Variants in LYSMD4 observed in about 807,000 individuals in gnomAD.
LYSMD4 encodes lysM and putative peptidoglycan-binding domain-containing protein 4.
In LYSMD4, 9 loss-of-function variants were observed where a neutral mutation model predicts 6.1. That is an observed-to-expected ratio of 1.47 (90% CI 0.88 to 2.56). The LOEUF (loss-of-function observed/expected upper bound fraction) is 2.56. Ranked by LOEUF, LYSMD4 falls within the 30% of genes most tolerant of loss-of-function variation. LYSMD4 has a pLI of 0.00. For missense variants in LYSMD4, 384 were observed against 373.5 expected, an observed-to-expected ratio of 1.03 and a Z score of -0.23; for synonymous variants, 143 against 148.5, an observed-to-expected ratio of 0.96 and a Z score of 0.27.
At chr15:99,719,323 G>A (rs2059221015), upstream of LYSMD4, among the ~76,000 whole-genome samples, 1 of 152,118 alleles carries the variant, frequency 6.6e-6, no homozygotes, top group South Asian at 2.1e-4. Flanking sequence ...CCCCATCCTA[G>A]TTGGTTTTAA....
chr15:99,723,563 G>A (rs114186364), downstream of LYSMD4, among the ~76,000 whole-genome samples: 332 of 152,266 alleles, frequency 2.2e-3, 2 homozygotes, highest in African/African-American at 7.4e-3. Context: ...CCAGAAACAC[G>A]ACGAAGCCTC....
At chr15:99,730,230 AC>A (rs1459939612) in intron 2 of LYSMD4, among the ~76,000 whole-genome samples, 1 of 152,258 alleles carries the variant, frequency 6.6e-6, no homozygotes, top group African/African-American at 2.4e-5. Flanking sequence ...AATCCAGTTT[AC>A]CTGTAATAAA....
At chr15:99,726,723 C>A (rs920418082), downstream of LYSMD4, among the ~76,000 whole-genome samples, 1 of 152,118 alleles carries the variant, frequency 6.6e-6, no homozygotes, top group African/African-American at 2.4e-5. Context: ...ACATTCAGCA[C>A]TATAGTTCAA....
downstream of LYSMD4, among the ~76,000 whole-genome samples, chr15:99,725,038 T>G (rs1288500618): frequency 2.0e-5 from 3 of 152,190 alleles, no homozygotes; most frequent in Non-Finnish European, 4.4e-5. Context: ...CCGCCTGGCC[T>G]GAGACCAGCC....
At chr15:99,724,528 G>C (rs186265709), downstream of LYSMD4, among the ~76,000 whole-genome samples, 1,092 of 152,302 alleles carry the variant, frequency 7.2e-3, 5 homozygotes, top group Middle Eastern at 0.037. Flanking sequence ...GCCTTCCAAA[G>C]TGCTGGGATT....
chr15:99,723,992 T>C (rs1041094027), downstream of LYSMD4, among the ~76,000 whole-genome samples: 27 of 151,036 alleles, frequency 1.8e-4, no homozygotes, highest in Non-Finnish European at 4.4e-5. Flanking sequence ...TCCGTTTACA[T>C]TTCCTTCACG....
rs1363869733 is a variant in LYSMD4 at position 99,728,599 on chromosome 15, T to TC, written c.*523_*524insG. The TC allele has an allele frequency of 6.0e-6, 1 of 167,090 alleles. No individual in the cohort carries two copies. Among genetic ancestry groups the TC allele is most frequent in the African/African-American group, 2.4e-5 (1 of 41,918 alleles). 10.4% of individuals were successfully genotyped at this position (167,090 alleles called of 1,614,324 possible). The stretch of plus-strand genomic sequence containing the variant: ...CTGAGGGGGCCAATATGAAGTAGGC[T>TC]TGTTACAACTGTAACTGTCACTCTC... On this transcript the variant is annotated 3_prime_UTR_variant, in exon 3 of 3. Coordinates refer to ENST00000684762, the MANE Select transcript of LYSMD4 (RefSeq NM_001284417.2).
In LYSMD4 at chr15:99,731,930, G is replaced by C; in HGVS notation, c.70C>G (p.His24Asp). ...CTGCCATTCTTAAACATGTATACGT[G>C]GCTGGTCGGAGTCCCACACACAACA... ...PAVVCGTPTS[H>D]VYMFKNGSGD... Residue 24 changes from histidine to aspartate, a missense_variant, in exon 2 of 3, where the codon CAC (histidine) becomes GAC (aspartate). By Grantham distance (81) the His-to-Asp change is moderately conservative. Transcript: ENST00000684762. 1.2e-6 allele frequency: 2 copies of C among 1,612,720 alleles called. No individual in the cohort carries two copies. The highest frequency in any genetic ancestry group is 1.7e-6 in the Non-Finnish European group (2 of 1,179,724).
downstream of LYSMD4, among the ~76,000 whole-genome samples, chr15:99,725,952 G>A (rs8028897): frequency 0.028 from 4,311 of 152,186 alleles, 232 homozygotes; most frequent in African/African-American, 0.096. Flanking sequence ...AAGTGCCTGC[G>A]TCGTAGGGAG....
At chr15:99,716,963 A>AGAT (rs1394993301) in exon 1 of LYSMD4, 37 of 301,104 alleles carry the variant, frequency 1.2e-4, no homozygotes, top group Middle Eastern at 1.2e-3. Context: ...AGCAGAAGAC[A>AGAT]GATGTGCTGG....
At position 99,731,181 on chromosome 15, in the gene LYSMD4, T is replaced by C. The variant is rs748769357; in HGVS notation, c.282+537A>G. On this transcript the variant is annotated intron_variant, in intron 2 of 2. Coordinates refer to ENST00000684762, the MANE Select transcript of LYSMD4 (RefSeq NM_001284417.2). ...AATACTTTCCTACTTACTTTGCCAT[T>C]GTTAATCACTCTGAATGCTGAAAAC... The C allele has an allele frequency of 4.3e-6, 7 of 1,612,736 alleles. No homozygotes were observed. The Admixed American group carries it at 1.2e-4, about 27-fold the overall frequency.
downstream of LYSMD4, among the ~76,000 whole-genome samples, chr15:99,723,880 GCTTCCCA>G (rs1489880929): frequency 6.2e-5 from 9 of 144,282 alleles, no homozygotes; most frequent in East Asian, 1.5e-3. Context: ...ACTTTCCGTA[GCTTCCCA>G]CTGTCCATCA....
At chr15:99,721,140 C>T (rs922365712), upstream of LYSMD4, among the ~76,000 whole-genome samples, 1 of 152,134 alleles carries the variant, frequency 6.6e-6, no homozygotes, top group African/African-American at 2.4e-5. Flanking sequence ...ATATGTGATA[C>T]AACCTGAAAA....
At chr15:99,721,407 C>T (rs2059237107), upstream of LYSMD4, among the ~76,000 whole-genome samples, 1 of 152,230 alleles carries the variant, frequency 6.6e-6, no homozygotes, top group Admixed American at 6.5e-5. Flanking sequence ...GCTATCCTTC[C>T]TTTCTAACTA....
chr15:99,720,239 T>G (rs768437042), upstream of LYSMD4, among the ~76,000 whole-genome samples: 6 of 152,240 alleles, frequency 3.9e-5, no homozygotes, highest in Non-Finnish European at 8.8e-5. Context: ...CGTACTCTTG[T>G]TCTAGTATGG....
Position 99,731,962 on chromosome 15 carries a change from C to T in LYSMD4, c.38G>A (p.Gly13Asp). Reference protein sequence around the residue: ...HEELLTKTFQGPAVVCGTPTS... With the variant: ...HEELLTKTFQDPAVVCGTPTS... Reference sequence around the variant, plus strand: ...CGGAGTCCCACACACAACAGCTGGGCCTTGGAAGGTCTTGGTTAACAATTC... The same window carrying T: ...CGGAGTCCCACACACAACAGCTGGGTCTTGGAAGGTCTTGGTTAACAATTC... Residue 13 changes from glycine (G) to aspartate (D), a missense_variant, in exon 2 of 3, where the codon GGC (glycine) becomes GAC (aspartate). Transcript: ENST00000684762. The T allele has an allele frequency of 1.9e-6, 3 of 1,603,680 alleles. No individual in the cohort carries two copies. The highest frequency in any genetic ancestry group is 2.6e-6 in the Non-Finnish European group (3 of 1,174,740).
upstream of LYSMD4, among the ~76,000 whole-genome samples, chr15:99,718,048 TTAAC>T (rs1333024855): frequency 6.6e-6 from 1 of 152,274 alleles, no homozygotes; most frequent in Non-Finnish European, 1.5e-5. Context: ...CACAGCATTT[TTAAC>T]TAAATACCTT....
chr15:99,731,550 C>T, intron 2 of LYSMD4, 168 bp downstream of exon 2: 1 of 1,536,368 alleles, frequency 6.5e-7, no homozygotes, highest in Non-Finnish European at 8.7e-7. Context: ...TAAAGGTACT[C>T]CCACCTGCAT....
At chr15:99,723,046 T>A (rs1162242456), downstream of LYSMD4, among the ~76,000 whole-genome samples, 5 of 150,626 alleles carry the variant, frequency 3.3e-5, no homozygotes, top group African/African-American at 7.3e-5. Flanking sequence ...GTTTTTTTTT[T>A]AAAAAAAGGA....
Sources: allele counts gnomAD v4.1 joint callset (sites outside exome capture counted in the v4.1 genomes callset), GRCh38; gene constraint gnomAD v4.1.1; transcripts MANE v1.5; gene names NCBI Gene and HGNC (gene_info 2026-07-23, HGNC 2026-07-21).